Variants in EPHA6 observed in about 807,000 individuals in gnomAD.
EPHA6 encodes the protein ephrin type-A receptor 6.
Under a neutral mutation model 112.0 loss-of-function variants are expected in EPHA6, and 50 were observed. The ratio of observed to expected loss-of-function variants is 0.45; its 90% CI spans 0.36 to 0.56. The LOEUF is 0.56. EPHA6 is among the 20% of genes least tolerant of loss of function. The probability of loss-of-function intolerance (pLI) is 0.00; values close to 1 mark genes in which losing one functional copy is unlikely to be tolerated. For missense variants in EPHA6, 1,280 were observed against 1,417.4 expected (o/e 0.90, Z 1.56); for synonymous variants, 529 against 490.7 (o/e 1.08, Z -1.03).
At chr3:97,741,100 T>A (rs1216407181) in intron 16 of EPHA6, among the ~76,000 whole-genome samples, 1 of 152,090 alleles carries the variant, frequency 6.6e-6, no homozygotes, top group Non-Finnish European at 1.5e-5. Flanking sequence ...CCTGTAATCC[T>A]GACCCTTTGA....
At chr3:97,116,205 T>G (rs1309326912) in intron 3 of EPHA6, among the ~76,000 whole-genome samples, 1 of 151,746 alleles carries the variant, frequency 6.6e-6, no homozygotes. Flanking sequence ...TTTGTTTACT[T>G]CCTCCATCTT....
intron 10 of EPHA6, among the ~76,000 whole-genome samples, chr3:97,484,361 C>A (rs975038745): frequency 6.6e-6 from 1 of 151,898 alleles, no homozygotes; most frequent in South Asian, 2.1e-4. Context: ...TTTACTTGAG[C>A]GCCAACATGT....
intron 14 of EPHA6, among the ~76,000 whole-genome samples, chr3:97,699,634 C>T (rs62262812): frequency 0.016 from 2,494 of 152,250 alleles, 28 homozygotes; most frequent in Middle Eastern, 0.044. Context: ...GACACAATAA[C>T]GGGAATCTGA....
chr3:96,967,369 T>G (rs1019351582), intron 2 of EPHA6, among the ~76,000 whole-genome samples: 6 of 151,590 alleles, frequency 4.0e-5, no homozygotes, highest in Admixed American at 1.3e-4. Context: ...ATTTTTCATT[T>G]ACTAGTATAT....
At chr3:97,167,707 A>G (rs2076575953) in intron 3 of EPHA6, among the ~76,000 whole-genome samples, 1 of 152,074 alleles carries the variant, frequency 6.6e-6, no homozygotes, top group Non-Finnish European at 1.5e-5. Flanking sequence ...GTTCATTAAG[A>G]CACTTTGCAT....
intron 3 of EPHA6, among the ~76,000 whole-genome samples, chr3:97,005,899 A>T (rs950997618): frequency 4.6e-5 from 7 of 151,972 alleles, no homozygotes; most frequent in African/African-American, 1.4e-4. Flanking sequence ...CTTTGGTTCT[A>T]TTTATGTGAT....
Position 97,532,449 on chromosome 3 carries a change from G to A in EPHA6, c.2292G>A (p.Met764Ile), listed in dbSNP as rs2092706121. 1 of 1,612,484 alleles carries A rather than the reference G, an allele frequency of 6.2e-7. No homozygotes were observed. The highest frequency in any genetic ancestry group is 1.1e-5 in the South Asian group (1 of 91,026). Residue 764 changes from methionine to isoleucine, a missense_variant, in exon 11 of 18, where the codon ATG (methionine) becomes ATA (isoleucine). This residue lies in a region of EPHA6 where 878 missense variants were observed against 999.7 expected (regional missense o/e 0.88). Transcript: ENST00000389672. ...VAIKTLKGGHMDRQRRDFLRE... is the reference protein window; with the variant it reads ...VAIKTLKGGHIDRQRRDFLRE... ...TTAAAACTTTGAAAGGTGGCCACATGGATCGGCAAAGAAGAGATTTTCTAA... is the reference window on the plus strand; with the variant it reads ...TTAAAACTTTGAAAGGTGGCCACATAGATCGGCAAAGAAGAGATTTTCTAA...
chr3:97,473,094 T>C (rs2091273488), intron 7 of EPHA6, among the ~76,000 whole-genome samples: 4 of 151,770 alleles, frequency 2.6e-5, no homozygotes, highest in Admixed American at 2.6e-4. Flanking sequence ...ATAATGTTGA[T>C]GAGGTTTTTA....
intron 10 of EPHA6, among the ~76,000 whole-genome samples, chr3:97,484,505 A>G (rs957497276): frequency 6.6e-6 from 1 of 152,218 alleles, no homozygotes; most frequent in East Asian, 1.9e-4. Context: ...ATGCAAATTA[A>G]TATTTCTCCC....
intron 3 of EPHA6, among the ~76,000 whole-genome samples, chr3:97,094,368 T>G (rs974602380): frequency 1.3e-5 from 2 of 152,158 alleles, no homozygotes; most frequent in African/African-American, 4.8e-5. Flanking sequence ...GGTCACGATA[T>G]CAAAAGTAAA....
intron 1 of EPHA6, among the ~76,000 whole-genome samples, chr3:96,845,591 A>G (rs1007441480): frequency 2.6e-5 from 4 of 152,174 alleles, no homozygotes; most frequent in East Asian, 3.9e-4. Flanking sequence ...ACACCCATCA[A>G]TGAATTTAAA....
chr3:97,091,875 A>G (rs866536615), intron 3 of EPHA6, among the ~76,000 whole-genome samples: 4 of 151,774 alleles, frequency 2.6e-5, no homozygotes, highest in Non-Finnish European at 2.9e-5. Context: ...AAAGAGAAAT[A>G]CTCAGGCTTC....
intron 11 of EPHA6, among the ~76,000 whole-genome samples, chr3:97,589,369 T>G (rs1351519856): frequency 1.3e-5 from 2 of 152,108 alleles, no homozygotes; most frequent in Non-Finnish European, 1.5e-5. Flanking sequence ...CCTCAGTTGA[T>G]CAAGCCAGAA....
At chr3:97,095,104 A>C (rs959650859) in intron 3 of EPHA6, among the ~76,000 whole-genome samples, 1 of 152,110 alleles carries the variant, frequency 6.6e-6, no homozygotes, top group African/African-American at 2.4e-5. Context: ...GAAAACTGGC[A>C]ATCTGTTTTT....
intron 11 of EPHA6, among the ~76,000 whole-genome samples, chr3:97,534,420 T>C (rs2092733344): frequency 6.6e-6 from 1 of 151,742 alleles, no homozygotes; most frequent in Non-Finnish European, 1.5e-5. Context: ...ATGACTAGTG[T>C]TCAAAATGAA....
In EPHA6 at chr3:97,061,701, T is replaced by G. The variant is rs116223977; in HGVS notation, c.1114+73708T>G. Among the ~76,000 whole-genome samples the G allele has an allele frequency of 1.5e-3, 231 of 152,236 alleles. 1 individual carries two copies. Among genetic ancestry groups the G allele is most frequent in the African/African-American group, 5.4e-3 (225 of 41,552 alleles). ...AAAGTGGCTATCTCTGAAAGTCACT[T>G]AAACAATGATGCCCTGTAAGAAGCC... On this transcript the variant is annotated intron_variant, in intron 3 of 17. Coordinates refer to ENST00000389672, the MANE Select transcript of EPHA6 (RefSeq NM_001080448.3).
chr3:97,302,585 G>A (rs2081139786), intron 5 of EPHA6, among the ~76,000 whole-genome samples: 1 of 151,090 alleles, frequency 6.6e-6, no homozygotes, highest in Admixed American at 6.6e-5. Flanking sequence ...ACCATATCAG[G>A]TGCCTTATTA....
At chr3:97,178,217 A>G (rs756967235) in intron 3 of EPHA6, among the ~76,000 whole-genome samples, 5 of 152,086 alleles carry the variant, frequency 3.3e-5, no homozygotes, top group African/African-American at 1.2e-4. Context: ...AAACACAAAG[A>G]AAACTAATAA....
At chr3:97,576,947 G>A (rs1687761041) in intron 11 of EPHA6, among the ~76,000 whole-genome samples, 1 of 152,132 alleles carries the variant, frequency 6.6e-6, no homozygotes, top group African/African-American at 2.4e-5. Context: ...GGGCTAATGT[G>A]GAAGCACATC....
Sources: gnomAD v4.1 joint callset for allele counts (sites outside exome capture counted in the v4.1 genomes callset) on GRCh38, gnomAD v4.1.1 for gene constraint, gnomAD v4.1.1 regional missense constraint, MANE v1.5 for transcripts, NCBI Gene and HGNC (gene_info 2026-07-23, HGNC 2026-07-21) for gene names.